The following FXYD6 variants were observed in gnomAD, a reference collection of about 807,000 sequenced individuals.
FXYD6 encodes FXYD domain-containing ion transport regulator 6.
FXYD6 carries 7 observed loss-of-function variants against 16.7 expected under a neutral mutation model. The ratio of observed to expected loss-of-function variants is 0.42; its 90% CI spans 0.24 to 0.79. The LOEUF (loss-of-function observed/expected upper bound fraction) is 0.79. Among genes scored for constraint, FXYD6 ranks in the 30% least tolerant of loss-of-function variants. The pLI is 0.28. For missense variants in FXYD6, 111 were observed against 116.2 expected, an observed-to-expected ratio of 0.95 and a Z score of 0.21; for synonymous variants, 49 against 43.0, an observed-to-expected ratio of 1.14 and a Z score of -0.54.
At chr11:117,865,096 A>G (rs2056986951) in intron 1 of FXYD6, among the ~76,000 whole-genome samples, 1 of 152,232 alleles carries the variant, frequency 6.6e-6, no homozygotes. Context: ...CAAATGGCCA[A>G]TAAGCACATG....
chr11:117,856,395 C>T (rs7931266), intron 1 of FXYD6, among the ~76,000 whole-genome samples: 11 of 152,028 alleles, frequency 7.2e-5, no homozygotes, highest in African/African-American at 1.9e-4. Context: ...CCTCCCTCCC[C>T]CTGCTCCCGA....
chr11:117,840,396 A>C (rs1233280980), intron 5 of FXYD6, 28 bp from the exon 6 acceptor site: 2 of 1,614,062 alleles, frequency 1.2e-6, no homozygotes, highest in South Asian at 2.2e-5. Flanking sequence ...ACACAGCCCC[A>C]TCAGAGATCT....
Position 117,870,522 on chromosome 11 carries a change from C to T in FXYD6, c.-6+6070G>A, listed in dbSNP as rs1436262536. ...CACCCTGCCCACAGCCAGGCCACAG[C>T]ACCAGGCAGCCCCCTTTGCTCTCTC... is the stretch of plus-strand genomic sequence containing the variant. On this transcript the variant is annotated intron_variant, in intron 1 of 7. Coordinates refer to ENST00000526014, the MANE Select transcript of FXYD6 (RefSeq NM_022003.4). This position sits in a 1 kb window ranked among gnomAD's most constrained non-coding sequence, Gnocchi z 4.2. Among the ~76,000 whole-genome samples, 1 of 152,224 alleles carries T rather than the reference C, an allele frequency of 6.6e-6. No homozygotes were observed. The highest frequency in any genetic ancestry group is 1.9e-4 in the East Asian group (1 of 5,200).
intron 1 of FXYD6, among the ~76,000 whole-genome samples, chr11:117,874,741 T>C (rs2057218557): frequency 6.6e-6 from 1 of 152,166 alleles, no homozygotes; most frequent in South Asian, 2.1e-4. Flanking sequence ...GCAGCGGCAG[T>C]GGAGAGATTG....
At chr11:117,854,383 C>A (rs1044399288) in intron 1 of FXYD6, among the ~76,000 whole-genome samples, 1 of 152,194 alleles carries the variant, frequency 6.6e-6, no homozygotes, top group African/African-American at 2.4e-5. Flanking sequence ...CTCTGGGCCA[C>A]CAGGGACAAT....
intron 1 of FXYD6, among the ~76,000 whole-genome samples, chr11:117,853,080 C>A (rs547289237): frequency 6.8e-4 from 104 of 152,310 alleles, no homozygotes; most frequent in South Asian, 1.7e-3. Flanking sequence ...TATTCTGTAT[C>A]TGATAATTCC....
At chr11:117,845,090 T>G (rs555039099) in intron 1 of FXYD6, among the ~76,000 whole-genome samples, 2 of 152,334 alleles carry the variant, frequency 1.3e-5, no homozygotes, top group South Asian at 4.1e-4. Context: ...GTCACCAATC[T>G]CGGGTTCCAA....
chr11:117,866,592 A>T (rs1416128341), intron 1 of FXYD6, among the ~76,000 whole-genome samples: 1 of 152,106 alleles, frequency 6.6e-6, no homozygotes, highest in South Asian at 2.1e-4. Context: ...CATGTCTGTT[A>T]CCCATTGTCA....
chr11:117,863,860 A>C (rs2056960127), intron 1 of FXYD6, among the ~76,000 whole-genome samples: 1 of 152,222 alleles, frequency 6.6e-6, no homozygotes, highest in Non-Finnish European at 1.5e-5. Context: ...ACTCCATATC[A>C]TAATATCAAA....
chr11:117,869,427 C>A (rs1253265866), intron 1 of FXYD6, among the ~76,000 whole-genome samples: 1 of 152,192 alleles, frequency 6.6e-6, no homozygotes, highest in African/African-American at 2.4e-5. Flanking sequence ...TCGAATGCTG[C>A]CCCTCCAACC....
At chr11:117,839,957 C>A in intron 6 of FXYD6, 127 bp from the exon 7 acceptor site, 1 of 1,245,232 alleles carries the variant, frequency 8.0e-7, no homozygotes, top group South Asian at 1.3e-5. Flanking sequence ...GATTTCGAGT[C>A]AGAACGATCT....
intron 1 of FXYD6, among the ~76,000 whole-genome samples, chr11:117,860,393 C>T (rs1446821802): frequency 6.6e-6 from 1 of 152,146 alleles, no homozygotes; most frequent in Admixed American, 6.5e-5. Context: ...GAGAGCTCTG[C>T]GCAGAGAGCC....
At chr11:117,861,292 A>T (rs11216591) in intron 1 of FXYD6, among the ~76,000 whole-genome samples, 39,178 of 151,968 alleles carry the variant, frequency 0.26, 5,413 homozygotes, top group Admixed American at 0.36. Context: ...GGTAGGAAAG[A>T]CCTCAGCATC....
rs114878097 is a variant in FXYD6 at position 117,842,414 on chromosome 11, T to C, written c.58+305A>G. Among the ~76,000 whole-genome samples the C allele has an allele frequency of 3.3e-3, 509 of 152,294 alleles. 7 individuals are homozygous for C. The highest frequency in any genetic ancestry group is 0.012 in the African/African-American group (486 of 41,568). Reference sequence around the variant, plus strand: ...CTTGCTAATATGGTCTAGAGACTGATGTGCAGGTCTGAATCCCAGGGTTCA... The same window carrying C: ...CTTGCTAATATGGTCTAGAGACTGACGTGCAGGTCTGAATCCCAGGGTTCA... On this transcript the variant is annotated intron_variant, in intron 2 of 7. Transcript: ENST00000526014.
chr11:117,873,691 C>T (rs987540360), intron 1 of FXYD6, among the ~76,000 whole-genome samples: 25 of 152,068 alleles, frequency 1.6e-4, no homozygotes, highest in African/African-American at 5.1e-4. Context: ...AGATGGCGGC[C>T]GACTAAGTCC....
chr11:117,858,736 CCTTCCTT>C (rs1565324023), intron 1 of FXYD6, among the ~76,000 whole-genome samples: 25 of 102,638 alleles, frequency 2.4e-4, no homozygotes, highest in African/African-American at 6.1e-4. Flanking sequence ...TTCCTTCCTT[CCTTCCTT>C]CCTTCCTTCC....
At chr11:117,850,018 A>G (rs958250625) in intron 1 of FXYD6, among the ~76,000 whole-genome samples, 3 of 152,208 alleles carry the variant, frequency 2.0e-5, no homozygotes, top group Non-Finnish European at 2.9e-5. Context: ...TTTCCTGTAC[A>G]TATGTCCTGT....
At chr11:117,841,273 T>C in intron 4 of FXYD6, 89 bp from the exon 5 acceptor site, 1 of 1,577,426 alleles carries the variant, frequency 6.3e-7, no homozygotes, top group South Asian at 1.1e-5. Context: ...ACTATGTAAA[T>C]GGCACCCCCT....
chr11:117,859,842 C>G (rs2056864057), intron 1 of FXYD6, among the ~76,000 whole-genome samples: 1 of 152,162 alleles, frequency 6.6e-6, no homozygotes, highest in South Asian at 2.1e-4. Context: ...TAGTCCGGAG[C>G]TTCCCTGTTT....
Sources: allele counts gnomAD v4.1 joint callset (sites outside exome capture counted in the v4.1 genomes callset), GRCh38; gene constraint gnomAD v4.1.1; non-coding constraint Gnocchi (gnomAD v3.1); transcripts MANE v1.5; gene names NCBI Gene and HGNC (gene_info 2026-07-23, HGNC 2026-07-21).